The following CFAP20DC variants were observed in gnomAD, a reference collection of about 807,000 sequenced individuals.
CFAP20DC encodes the protein protein CFAP20DC.
CFAP20DC carries 84 observed loss-of-function variants against 101.7 expected under a neutral mutation model. That is an observed-to-expected ratio of 0.83 (90% CI 0.69 to 0.99). CFAP20DC has a LOEUF of 0.99. Among genes scored for constraint, CFAP20DC ranks in the 50% least tolerant of loss-of-function variants. CFAP20DC has a pLI of 0.00. For missense variants in CFAP20DC, 1,007 were observed against 970.3 expected (o/e 1.04, Z -0.50); for synonymous variants, 359 against 351.2 (o/e 1.02, Z -0.25).
chr3:58,766,136 T>C (rs2070291054), intron 15 of CFAP20DC, among the ~76,000 whole-genome samples: 1 of 152,194 alleles, frequency 6.6e-6, no homozygotes, highest in Non-Finnish European at 1.5e-5. Flanking sequence ...GAAAATGTGT[T>C]AGTTTTATGA....
intron 5 of CFAP20DC, among the ~76,000 whole-genome samples, chr3:58,922,126 C>T (rs1335122229): frequency 2.0e-5 from 3 of 151,924 alleles, no homozygotes; most frequent in African/African-American, 2.4e-5. Flanking sequence ...TGCAATTGTC[C>T]CTTGCTTTTA....
At chr3:58,814,250 C>A (rs1171040000) in intron 14 of CFAP20DC, among the ~76,000 whole-genome samples, 1 of 151,858 alleles carries the variant, frequency 6.6e-6, no homozygotes, top group Non-Finnish European at 1.5e-5. Flanking sequence ...TTACTCCATC[C>A]CTTGGAAAAT....
At chr3:58,951,023 C>T (rs2090042354) in intron 4 of CFAP20DC, among the ~76,000 whole-genome samples, 1 of 151,986 alleles carries the variant, frequency 6.6e-6, no homozygotes, top group Non-Finnish European at 1.5e-5. Context: ...TGACAAAGGG[C>T]TAATATCCAG....
rs577687516 is a variant in CFAP20DC at position 58,960,311 on chromosome 3, G to A, written c.279-22549C>T. On this transcript the variant is annotated intron_variant, in intron 4 of 16. Transcript: ENST00000482387. ...AGTTCGGGACTAGCCTGACCAACAT[G>A]GAGAAACCCCATCTCTACTGAAAAT... Among the ~76,000 whole-genome samples, 11 of 151,280 alleles carry A rather than the reference G, an allele frequency of 7.3e-5. No individual in the cohort carries two copies. In the South Asian group the frequency reaches 1.0e-3, roughly 14 times the overall value.
In CFAP20DC at chr3:58,742,448, C is replaced by G; in HGVS notation, c.*12G>C. On this transcript the variant is annotated 3_prime_UTR_variant, in exon 17 of 17. Coordinates refer to ENST00000482387, the MANE Select transcript of CFAP20DC (RefSeq NM_001394063.1). ...AGCTGGGAGTGCCTGCTCTCTGCCC[C>G]GGAAGGAGGCATTATACCAACTCAT... 4 of 1,585,140 alleles carry G rather than the reference C, an allele frequency of 2.5e-6. No individual in the cohort carries two copies. Among genetic ancestry groups the G allele is most frequent in the South Asian group, 1.2e-5 (1 of 85,198 alleles).
chr3:58,898,350 T>G (rs973450772), intron 6 of CFAP20DC, among the ~76,000 whole-genome samples: 68 of 152,198 alleles, frequency 4.5e-4, no homozygotes, highest in African/African-American at 1.5e-3. Flanking sequence ...AATTTTTGTA[T>G]TTTTAGTAGA....
intron 14 of CFAP20DC, among the ~76,000 whole-genome samples, chr3:58,806,674 A>C (rs1403422488): frequency 6.6e-6 from 1 of 152,194 alleles, no homozygotes; most frequent in Non-Finnish European, 1.5e-5. Context: ...TTTCCACCTG[A>C]GGTACCGGGT....
Position 58,821,313 on chromosome 3 carries a change from G to A in CFAP20DC, c.2175+10373C>T, listed in dbSNP as rs537584223. Among the ~76,000 whole-genome samples the A allele has an allele frequency of 9.0e-3, 1,373 of 152,198 alleles. 18 individuals carry two copies. The highest frequency in any genetic ancestry group is 0.031 in the African/African-American group (1,307 of 41,532). On this transcript the variant is annotated intron_variant, in intron 14 of 16. Coordinates refer to ENST00000482387, the MANE Select transcript of CFAP20DC (RefSeq NM_001394063.1). ...ACAAATGGGATCTAGTTAAACTAAA[G>A]AGCTTCTGCACAGCAAAAGAAACTA...
chr3:58,848,901 A>G, intron 13 of CFAP20DC, 131 bp downstream of exon 13: 1 of 1,152,828 alleles, frequency 8.7e-7, no homozygotes, highest in Non-Finnish European at 1.2e-6. Context: ...AACACATCAG[A>G]ACAGGAAAGA....
chr3:58,929,903 G>T (rs1400187153), intron 5 of CFAP20DC, among the ~76,000 whole-genome samples: 2 of 152,010 alleles, frequency 1.3e-5, no homozygotes, highest in Admixed American at 6.6e-5. Flanking sequence ...GTTCTCCCTT[G>T]TTGGAACCTC....
intron 15 of CFAP20DC, among the ~76,000 whole-genome samples, chr3:58,779,506 T>C (rs903462555): frequency 6.6e-6 from 1 of 152,112 alleles, no homozygotes; most frequent in Non-Finnish European, 1.5e-5. Flanking sequence ...CACACAGATA[T>C]ATAAAGCAAA....
intron 4 of CFAP20DC, chr3:59,018,837 G>A (rs1049267839): frequency 2.6e-5 from 4 of 152,084 alleles, no homozygotes; most frequent in Non-Finnish European, 4.4e-5. Context: ...TGTAGTGAAC[G>A]TCTTTGTCCT....
At chr3:59,025,369 C>G (rs1332474445) in intron 4 of CFAP20DC, among the ~76,000 whole-genome samples, 1 of 152,158 alleles carries the variant, frequency 6.6e-6, no homozygotes, top group East Asian at 1.9e-4. Context: ...CAGGCTCCAT[C>G]TGTCTTTAGG....
chr3:58,916,582 C>T (rs1305278626), intron 5 of CFAP20DC, among the ~76,000 whole-genome samples: 1 of 151,954 alleles, frequency 6.6e-6, no homozygotes, highest in Non-Finnish European at 1.5e-5. Context: ...GTGTACATGC[C>T]TACACACATA....
intron 4 of CFAP20DC, among the ~76,000 whole-genome samples, chr3:59,033,503 T>A (rs2094035968): frequency 6.6e-6 from 1 of 152,026 alleles, no homozygotes. Flanking sequence ...GAGAAGAACA[T>A]AAATGACCTG....
chr3:58,817,061 A>C (rs1023827070), intron 14 of CFAP20DC, among the ~76,000 whole-genome samples: 1 of 152,080 alleles, frequency 6.6e-6, no homozygotes, highest in Non-Finnish European at 1.5e-5. Flanking sequence ...GTATTCCAAC[A>C]GACCTGCAGC....
rs965029510 is a variant in CFAP20DC, at chr3:58,997,623, C to T, written c.278+41934G>A. Among the ~76,000 whole-genome samples, 20 of 152,274 alleles carry T rather than the reference C, an allele frequency of 1.3e-4. No individual in the cohort carries two copies. The Middle Eastern group carries it at 0.01, about 78-fold the overall frequency. ...CCTTCTACTCTCATGAAGCTCACAA[C>T]CTCATGGAAGAGATACTACCAAGTA... On this transcript the variant is annotated intron_variant, in intron 4 of 16. Coordinates refer to ENST00000482387, the MANE Select transcript of CFAP20DC (RefSeq NM_001394063.1).
chr3:58,912,063 G>A lies in CFAP20DC; in HGVS notation c.550+1645C>T, dbSNP rs2084210818. Among the ~76,000 whole-genome samples the A allele has an allele frequency of 6.6e-6, 1 of 152,040 alleles. No homozygotes were observed. Among genetic ancestry groups the A allele is most frequent in the African/African-American group, 2.4e-5 (1 of 41,398 alleles). ...GCTTAATCTTATAAAATTTACAAACGTCTCTTGTCCGTTATTGTCTCCCCT... is the reference window on the plus strand; with the variant it reads ...GCTTAATCTTATAAAATTTACAAACATCTCTTGTCCGTTATTGTCTCCCCT... On this transcript the variant is annotated intron_variant, in intron 6 of 16. Coordinates refer to ENST00000482387, the MANE Select transcript of CFAP20DC (RefSeq NM_001394063.1). The surrounding 1 kb of genome is among the most constrained non-coding windows in gnomAD (Gnocchi z 4.4).
intron 5 of CFAP20DC, among the ~76,000 whole-genome samples, chr3:58,920,057 G>A (rs1314266488): frequency 1.4e-5 from 2 of 147,608 alleles, no homozygotes; most frequent in Non-Finnish European, 3.0e-5. Flanking sequence ...AATACAAGTG[G>A]TTAGGGTGGA....
Sources: allele counts gnomAD v4.1 joint callset (sites outside exome capture counted in the v4.1 genomes callset), GRCh38; gene constraint gnomAD v4.1.1; non-coding constraint Gnocchi (gnomAD v3.1); transcripts MANE v1.5; gene names NCBI Gene and HGNC (gene_info 2026-07-23, HGNC 2026-07-21).